GPC4: variants seen among roughly 807,000 people sequenced by gnomAD.
GPC4 encodes the protein glypican-4.
In GPC4, 10 loss-of-function variants were observed where a neutral mutation model predicts 35.0. The observed-to-expected ratio is 0.29, with a 90% CI of 0.18 to 0.48. GPC4 has a LOEUF of 0.48. Among genes scored for constraint, GPC4 ranks in the 20% least tolerant of loss-of-function variants. GPC4 has a pLI of 0.99. For missense variants in GPC4, 322 were observed against 451.3 expected (o/e 0.71, Z 2.60); for synonymous variants, 167 against 170.2 (o/e 0.98, Z 0.15).
intron 4 of GPC4, among the ~76,000 whole-genome samples, chrX:133,307,789 T>TAACAAC (rs761210187): frequency 4.5e-5 from 5 of 111,632 alleles, no homozygotes; most frequent in South Asian, 3.7e-4. Context: ...GACGTTTAAA[T>TAACAAC]AACAACAACA....
intron 3 of GPC4, among the ~76,000 whole-genome samples, chrX:133,321,136 A>C (rs773805199): frequency 7.1e-5 from 8 of 112,354 alleles, no homozygotes; most frequent in Non-Finnish European, 1.1e-4. Flanking sequence ...TGAATCTTAA[A>C]TATCAAAGTC....
chrX:133,405,230 T>C (rs934467567), intron 1 of GPC4, among the ~76,000 whole-genome samples: 1 of 105,655 alleles, frequency 9.5e-6, no homozygotes, highest in Non-Finnish European at 1.9e-5. Flanking sequence ...TGCCTCAGCC[T>C]CCCGAGTAGC....
At chrX:133,333,381 C>G (rs759775515) in intron 2 of GPC4, among the ~76,000 whole-genome samples, 1 of 112,637 alleles carries the variant, frequency 8.9e-6, no homozygotes, top group African/African-American at 3.2e-5. Context: ...GCTTTGGGCT[C>G]GTAAAGCTGC....
intron 1 of GPC4, among the ~76,000 whole-genome samples, chrX:133,381,996 A>G (rs768629174): frequency 2.0e-4 from 23 of 112,322 alleles, no homozygotes; most frequent in Non-Finnish European, 3.8e-4. Flanking sequence ...GGGAACATAT[A>G]CCTGGCATAA....
At chrX:133,384,325 C>A (rs1042014933) in intron 1 of GPC4, among the ~76,000 whole-genome samples, 22 of 110,264 alleles carry the variant, frequency 2.0e-4, no homozygotes, top group African/African-American at 7.3e-4. Flanking sequence ...GTGGCCATAC[C>A]CTGTTGTTAA....
intron 4 of GPC4, among the ~76,000 whole-genome samples, chrX:133,307,917 T>C (rs2068297710): frequency 8.9e-6 from 1 of 112,150 alleles, no homozygotes; most frequent in South Asian, 3.7e-4. Flanking sequence ...CCAATTCTTC[T>C]GGCTGTTTGG....
chrX:133,315,343 C>G (rs2068333201), intron 3 of GPC4, among the ~76,000 whole-genome samples: 1 of 110,214 alleles, frequency 9.1e-6, no homozygotes, highest in Non-Finnish European at 1.9e-5. Flanking sequence ...AGTCCAAGAT[C>G]TTCTGGATCC....
chrX:133,305,981 G>A (rs886866645), intron 5 of GPC4, 43 bp downstream of exon 5: 1 of 1,210,161 alleles, frequency 8.3e-7, no homozygotes, highest in Non-Finnish European at 1.1e-6. Context: ...GCGGAGGCGG[G>A]GGAGGTCCCT....
At chrX:133,384,422 G>A (rs896069381) in intron 1 of GPC4, among the ~76,000 whole-genome samples, 1 of 111,226 alleles carries the variant, frequency 9.0e-6, no homozygotes, top group Non-Finnish European at 1.9e-5. Context: ...AAAGAGGAAA[G>A]AGGAGATGAG....
rs1350732925 is a variant in GPC4, at chrX:133,305,810, G to C, written c.1117C>G (p.Arg373Gly). Residue 373 changes from arginine (R) to glycine (G), a missense_variant, in exon 6 of 9, where the codon CGC becomes GGC. Arg to Gly is a moderately radical substitution (Grantham distance 125, BLOSUM62 -2). This residue lies in a region of GPC4 where 163 missense variants were observed against 277.2 expected (regional missense o/e 0.59). Coordinates refer to ENST00000370828, the MANE Select transcript of GPC4 (RefSeq NM_001448.3). ...CTAGTGCCAGCTGCTGTGGTTGGGC[G>C]TTCCTCGGGGTGATGTGGTCTGAAG... ...ARFRPHHPEERPTTAAGTSLD... is the reference protein window; with the variant it reads ...ARFRPHHPEEGPTTAAGTSLD... The C allele has an allele frequency of 8.3e-7, 1 of 1,210,093 alleles. No homozygotes were observed. Among genetic ancestry groups the C allele is most frequent in the Non-Finnish European group, 1.1e-6 (1 of 895,302 alleles).
chrX:133,348,252 T>G (rs1204982384), intron 1 of GPC4, among the ~76,000 whole-genome samples: 1 of 112,512 alleles, frequency 8.9e-6, no homozygotes, highest in Admixed American at 9.4e-5. Flanking sequence ...AAAGGTTTAT[T>G]AAGGCACACC....
intron 4 of GPC4, 132 bp from the exon 5 acceptor site, chrX:133,306,286 A>G: frequency 1.5e-6 from 1 of 686,183 alleles, no homozygotes; most frequent in Non-Finnish European, 2.2e-6. Context: ...CATGGATCAT[A>G]ATGAATTCTT....
intron 1 of GPC4, among the ~76,000 whole-genome samples, chrX:133,355,611 T>C (rs1256859398): frequency 1.8e-5 from 2 of 112,015 alleles, no homozygotes; most frequent in African/African-American, 6.5e-5. Context: ...CACCAGTAAG[T>C]AGCAGTAAGC....
chrX:133,346,590 A>G (rs1446288629), intron 1 of GPC4, among the ~76,000 whole-genome samples: 2 of 111,512 alleles, frequency 1.8e-5, no homozygotes, highest in Non-Finnish European at 3.8e-5. Flanking sequence ...CATTGTGGGG[A>G]AAAAAACTAA....
intron 1 of GPC4, among the ~76,000 whole-genome samples, chrX:133,345,722 C>T (rs770634099): frequency 3.6e-5 from 4 of 112,018 alleles, no homozygotes; most frequent in Non-Finnish European, 7.5e-5. Context: ...ACTGGAATCC[C>T]TCTGAACATA....
intron 2 of GPC4, among the ~76,000 whole-genome samples, chrX:133,330,545 T>A (rs991306801): frequency 9.0e-6 from 1 of 111,527 alleles, no homozygotes; most frequent in Non-Finnish European, 1.9e-5. Context: ...AACAGGCATT[T>A]TTTTCTCGAG....
intron 3 of GPC4, among the ~76,000 whole-genome samples, chrX:133,319,037 A>G (rs907080307): frequency 1.8e-5 from 2 of 112,312 alleles, no homozygotes; most frequent in Non-Finnish European, 3.8e-5. Context: ...CTCAACTTTT[A>G]ACTGCAACCC....
intron 1 of GPC4, among the ~76,000 whole-genome samples, chrX:133,401,425 T>C (rs1232766789): frequency 1.8e-5 from 2 of 111,607 alleles, no homozygotes; most frequent in African/African-American, 6.5e-5. Flanking sequence ...AGGATAGTAG[T>C]CACTGAGATG....
intron 1 of GPC4, among the ~76,000 whole-genome samples, chrX:133,408,211 T>G (rs746663257): frequency 1.8e-5 from 2 of 112,805 alleles, no homozygotes; most frequent in South Asian, 7.3e-4. Flanking sequence ...TTTACCTGTT[T>G]GTATTTTAGT....
Sources: allele counts gnomAD v4.1 joint callset (sites outside exome capture counted in the v4.1 genomes callset), GRCh38; gene constraint gnomAD v4.1.1; regional missense constraint gnomAD v4.1.1; transcripts MANE v1.5; gene names NCBI Gene and HGNC (gene_info 2026-07-23, HGNC 2026-07-21).